Variants in JDP2 observed in about 807,000 individuals in gnomAD.
JDP2 encodes Jun dimerization protein 2, also known as progesterone receptor co-activator.
JDP2 carries 9 observed loss-of-function variants against 17.1 expected under a neutral mutation model. The observed-to-expected ratio is 0.53, with a 90% CI of 0.32 to 0.92. The LOEUF (loss-of-function observed/expected upper bound fraction) is 0.92, where lower values mean the gene tolerates loss of function less well. Ranked by LOEUF, JDP2 falls within the 40% of genes least tolerant of loss-of-function variation. The pLI is 0.04. For synonymous variants in JDP2, 107 were observed against 95.6 expected, an observed-to-expected ratio of 1.12 and a Z score of -0.69; for missense variants, 179 against 220.0, an observed-to-expected ratio of 0.81 and a Z score of 1.18.
intron 2 of JDP2, among the ~76,000 whole-genome samples, chr14:75,441,456 C>T (rs1885349055): frequency 6.6e-6 from 1 of 152,240 alleles, no homozygotes; most frequent in Non-Finnish European, 1.5e-5. Flanking sequence ...CTGAGCACTG[C>T]ACCAGGCACT....
intron 2 of JDP2, among the ~76,000 whole-genome samples, chr14:75,446,673 G>A (rs143847500): frequency 6.4e-4 from 98 of 152,308 alleles, no homozygotes; most frequent in Non-Finnish European, 5.9e-5. Context: ...GGAGGAGTGG[G>A]GAGTGATGGC....
intron 2 of JDP2, among the ~76,000 whole-genome samples, chr14:75,460,105 T>C (rs1049890107): frequency 1.3e-5 from 2 of 152,260 alleles, no homozygotes; most frequent in Admixed American, 6.5e-5. Context: ...AAATGGCACC[T>C]CTTGTTATTA....
chr14:75,466,143 C>CTA (rs904760424), intron 3 of JDP2, among the ~76,000 whole-genome samples: 1 of 152,134 alleles, frequency 6.6e-6, no homozygotes, highest in African/African-American at 2.4e-5. Context: ...AACTAAAAGG[C>CTA]AGTTAGTTAC....
chr14:75,457,955 C>A (rs1052598623), intron 2 of JDP2, among the ~76,000 whole-genome samples: 1 of 152,250 alleles, frequency 6.6e-6, no homozygotes, highest in Non-Finnish European at 1.5e-5. Context: ...CCTGTAGCAT[C>A]TCTCTCTGGA....
chr14:75,444,709 C>A (rs1885514974), intron 2 of JDP2, among the ~76,000 whole-genome samples: 2 of 152,172 alleles, frequency 1.3e-5, no homozygotes, highest in African/African-American at 4.8e-5. Context: ...GAAAGATGAC[C>A]TTGACTGCAG....
intron 2 of JDP2, among the ~76,000 whole-genome samples, chr14:75,446,644 ACC>A (rs943931117): frequency 6.6e-6 from 1 of 152,200 alleles, no homozygotes; most frequent in African/African-American, 2.4e-5. Context: ...TACTGTGGTT[ACC>A]TAGGGGTGGG....
At chr14:75,429,529 C>T (rs1027416930) in intron 1 of JDP2, among the ~76,000 whole-genome samples, 5 of 152,162 alleles carry the variant, frequency 3.3e-5, no homozygotes, top group African/African-American at 1.2e-4. Flanking sequence ...TCTCCCTTCC[C>T]CCCAACCTTC....
chr14:75,442,367 T>C (rs1176067206), intron 2 of JDP2, among the ~76,000 whole-genome samples: 2 of 152,188 alleles, frequency 1.3e-5, no homozygotes, highest in African/African-American at 2.4e-5. Context: ...GCCTGCTGTA[T>C]TTGTATACAG....
intron 1 of JDP2, among the ~76,000 whole-genome samples, chr14:75,433,546 C>T (rs1566733814): frequency 8.0e-6 from 1 of 125,296 alleles, no homozygotes; most frequent in South Asian, 2.3e-4. Context: ...AGCTCTCAGA[C>T]CTTTTTTTTT....
At chr14:75,460,519 T>C (rs1034566808) in intron 2 of JDP2, among the ~76,000 whole-genome samples, 2 of 152,162 alleles carry the variant, frequency 1.3e-5, no homozygotes, top group African/African-American at 4.8e-5. Flanking sequence ...ATGTGGAACC[T>C]GTGTCCATGC....
rs1206272558 is a variant in JDP2, at chr14:75,471,387, GGA to G, written c.*1916_*1917del. On this transcript the variant is annotated 3_prime_UTR_variant, in exon 4 of 4. Coordinates refer to ENST00000651602, the MANE Select transcript of JDP2 (RefSeq NM_001135048.2). ...AGGCATGTCACGCATGAGGAAGGCG[GGA>G]GAGGTGTTTTTAGCTTCCTTGTATA... 1 of 152,258 alleles carries G rather than the reference GGA, an allele frequency of 6.6e-6. No homozygotes were observed. Among genetic ancestry groups the G allele is most frequent in the Non-Finnish European group, 1.5e-5 (1 of 68,058 alleles). The allele number at this position is 152,258 out of a possible 1,614,324, so 9.4% of individuals were successfully genotyped here. A position where few individuals can be genotyped will look rare whatever the true frequency, so the allele number is the denominator to read the frequency against.
At chr14:75,451,552 C>T (rs549865726) in intron 2 of JDP2, among the ~76,000 whole-genome samples, 103 of 152,184 alleles carry the variant, frequency 6.8e-4, no homozygotes, top group African/African-American at 2.4e-3. Context: ...TAGATGCAAA[C>T]GGAGATCCAC....
intron 2 of JDP2, among the ~76,000 whole-genome samples, chr14:75,442,331 C>T (rs1402035755): frequency 1.3e-5 from 2 of 152,144 alleles, no homozygotes; most frequent in Non-Finnish European, 1.5e-5. Context: ...TTATACACAA[C>T]AAGAGGTTGG....
At chr14:75,439,965 T>G (rs1566737432) in intron 2 of JDP2, among the ~76,000 whole-genome samples, 1 of 152,210 alleles carries the variant, frequency 6.6e-6, no homozygotes, top group African/African-American at 2.4e-5. Flanking sequence ...GGGATTCGCC[T>G]GGGGGGCTGA....
In JDP2 at chr14:75,469,356, C is replaced by T. The variant is rs1566751043; in HGVS notation, c.373C>T (p.Arg125Trp). The T allele has an allele frequency of 3.7e-6, 6 of 1,614,108 alleles. No homozygotes were observed. The highest frequency in any genetic ancestry group is 1.7e-5 in the Admixed American group (1 of 60,022). The stretch of plus-strand genomic sequence containing the variant: ...CCAGATTGAGGAGCTGAAGCAGGAG[C>T]GGCAGCAGCTCATCCTGATGCTGAA... ...KTQIEELKQE[R>W]QQLILMLNRH... Residue 125 changes from arginine (R) to tryptophan (W), a missense_variant, in exon 4 of 4, where the codon CGG (arginine) becomes TGG (tryptophan). Arg to Trp is a moderately radical substitution (Grantham distance 101). Transcript: ENST00000651602.
rs1164060140 is a variant in JDP2, at chr14:75,471,687, C to G, written c.*2212C>G. The G allele has an allele frequency of 6.6e-6, 1 of 152,536 alleles. No homozygotes were observed. The highest frequency in any genetic ancestry group is 1.5e-5 in the Non-Finnish European group (1 of 68,150). 9.4% of individuals were successfully genotyped at this position (152,536 alleles called of 1,614,324 possible). On this transcript the variant is annotated 3_prime_UTR_variant, in exon 4 of 4. Transcript: ENST00000651602. ...ACCCAACACACTTGGTGTGGACTCC[C>G]CTGCACCCCGCCCTAGAAACAGGAC...
rs990863820 is a variant in JDP2 at position 75,445,663 on chromosome 14, A to G, written c.201+7542A>G. Reference sequence around the variant, plus strand: ...GTACCTAGTACCATATACATATATTATCTCAAAATGGATCGAAGGCCTAAA... The same window carrying G: ...GTACCTAGTACCATATACATATATTGTCTCAAAATGGATCGAAGGCCTAAA... On this transcript the variant is annotated intron_variant, in intron 2 of 3. Transcript: ENST00000651602. 2.2e-5 allele frequency: 19 copies of G among 865,634 alleles called. No individual in the cohort carries two copies. In the African/African-American group the frequency reaches 3.1e-4, roughly 14 times the overall value. The allele number at this position is 865,634 out of a possible 1,614,324, so 53.6% of individuals were successfully genotyped here. A position where few individuals can be genotyped will look rare whatever the true frequency, so the allele number is the denominator to read the frequency against.
At position 75,428,394 on chromosome 14, in the gene JDP2, A is replaced by G. The variant is rs1436324932; in HGVS notation, c.-24+142A>G. On this transcript the variant is annotated intron_variant, in intron 1 of 3. Transcript: ENST00000651602. This position sits in a 1 kb window ranked among gnomAD's most constrained non-coding sequence, Gnocchi z 5.6. The stretch of plus-strand genomic sequence containing the variant: ...CCCCGCGGGGAGGCTCCCGCAGCCC[A>G]GGGACCTCGAGCTTTCCCCGCGCCG... 1.3e-5 allele frequency: 2 copies of G among 151,178 alleles called. No homozygotes were observed. Among genetic ancestry groups the G allele is most frequent in the African/African-American group, 2.4e-5 (1 of 41,208 alleles). The allele number at this position is 151,178 out of a possible 1,614,324, so 9.4% of individuals were successfully genotyped here. A position where few individuals can be genotyped will look rare whatever the true frequency, so the allele number is the denominator to read the frequency against.
chr14:75,442,993 G>T (rs1006614180), intron 2 of JDP2, among the ~76,000 whole-genome samples: 19 of 152,140 alleles, frequency 1.2e-4, no homozygotes, highest in African/African-American at 4.3e-4. Context: ...CATGGGGACC[G>T]GATCCGTGTC....
Sources: gnomAD v4.1 joint callset for allele counts (sites outside exome capture counted in the v4.1 genomes callset) on GRCh38, gnomAD v4.1.1 for gene constraint, Gnocchi (gnomAD v3.1) non-coding constraint, MANE v1.5 for transcripts, NCBI Gene and HGNC (gene_info 2026-07-23, HGNC 2026-07-21) for gene names.